The following ANKS1B variants were observed in gnomAD, a reference collection of about 807,000 sequenced individuals.
ANKS1B encodes ankyrin repeat and sterile alpha motif domain-containing protein 1B.
A neutral mutation model predicts 148.3 loss-of-function variants in ANKS1B; 36 were observed. That is an observed-to-expected ratio of 0.24 (90% CI 0.19 to 0.32). The LOEUF is 0.32. Ranked by LOEUF, ANKS1B falls within the 10% of genes least tolerant of loss-of-function variation. The pLI, the probability that ANKS1B is intolerant of heterozygous loss-of-function variation, is 1.00. For synonymous variants in ANKS1B, 542 were observed against 560.8 expected (o/e 0.97, Z 0.47); for missense variants, 1,157 against 1,542.6 (o/e 0.75, Z 4.19).
At chr12:98,878,311 T>A (rs2099696939) in intron 17 of ANKS1B, among the ~76,000 whole-genome samples, 1 of 151,190 alleles carries the variant, frequency 6.6e-6, no homozygotes, top group Non-Finnish European at 1.5e-5. Context: ...CAGGCAGAGG[T>A]TGCAATGAGC....
chr12:99,619,595 G>C (rs1375278066), intron 9 of ANKS1B, among the ~76,000 whole-genome samples: 1 of 151,466 alleles, frequency 6.6e-6, no homozygotes, highest in Non-Finnish European at 1.5e-5. Flanking sequence ...AGACATAAAG[G>C]ATACCTGCTC....
chr12:99,654,356 T>C (rs1206329106), intron 9 of ANKS1B, among the ~76,000 whole-genome samples: 1 of 152,202 alleles, frequency 6.6e-6, no homozygotes, highest in Non-Finnish European at 1.5e-5. Flanking sequence ...TCCACCCACG[T>C]TCTATGTAAT....
chr12:99,701,141 T>C (rs1318400151), intron 8 of ANKS1B, among the ~76,000 whole-genome samples: 1 of 152,176 alleles, frequency 6.6e-6, no homozygotes, highest in Non-Finnish European at 1.5e-5. Context: ...TCCTGATCCA[T>C]TTTGCCTATT....
chr12:99,729,084 T>C (rs2058889434), intron 8 of ANKS1B, among the ~76,000 whole-genome samples: 1 of 152,244 alleles, frequency 6.6e-6, no homozygotes, highest in African/African-American at 2.4e-5. Context: ...AAGATATGCC[T>C]GTGTAAAGCA....
intron 15 of ANKS1B, among the ~76,000 whole-genome samples, chr12:99,102,892 G>A (rs548156414): frequency 1.3e-5 from 2 of 152,188 alleles, no homozygotes; most frequent in East Asian, 3.9e-4. Flanking sequence ...TCACATCACT[G>A]CACCCCAACC....
chr12:99,339,909 T>C (rs2152324724), intron 12 of ANKS1B, among the ~76,000 whole-genome samples: 1 of 152,158 alleles, frequency 6.6e-6, no homozygotes, highest in South Asian at 2.1e-4. Context: ...CCTGTATACT[T>C]CTTAGGTTTC....
chr12:99,476,222 A>C (rs764627798), intron 10 of ANKS1B, among the ~76,000 whole-genome samples: 1 of 152,020 alleles, frequency 6.6e-6, no homozygotes, highest in African/African-American at 2.4e-5. Flanking sequence ...GTGAAATCCC[A>C]TCTCTACTAA....
At chr12:99,893,929 G>C (rs1167780411) in intron 1 of ANKS1B, among the ~76,000 whole-genome samples, 1 of 152,000 alleles carries the variant, frequency 6.6e-6, no homozygotes, top group East Asian at 1.9e-4. Context: ...TCGCTCCTGT[G>C]AATAGCACTA....
chr12:99,047,542 T>C (rs1265300336), intron 17 of ANKS1B, among the ~76,000 whole-genome samples: 2 of 152,112 alleles, frequency 1.3e-5, no homozygotes, highest in African/African-American at 4.8e-5. Context: ...AATAATCAAA[T>C]TGCTGTAAAC....
intron 12 of ANKS1B, among the ~76,000 whole-genome samples, chr12:99,395,032 C>T (rs1029059137): frequency 6.6e-6 from 1 of 152,128 alleles, no homozygotes; most frequent in African/African-American, 2.4e-5. Context: ...TTCTCATATA[C>T]CATGTCCACT....
chr12:99,123,066 C>A lies in ANKS1B; in HGVS notation c.2526+31223G>T, dbSNP rs577751745. 2.1e-3 allele frequency among the ~76,000 whole-genome samples: 300 copies of A among 144,348 alleles called. 8 individuals carry two copies. The South Asian group carries it at 0.048, about 23-fold the overall frequency. 94.7% of individuals were successfully genotyped at this position (144,348 alleles called of 152,430 possible). On this transcript the variant is annotated intron_variant, in intron 15 of 26. Transcript: ENST00000683438. ...CAACAACAAAAAACCAACAAAAAAACCCCAAAAAAACAAAAATAATTAAGA... is the reference window on the plus strand; with the variant it reads ...CAACAACAAAAAACCAACAAAAAAAACCCAAAAAAACAAAAATAATTAAGA...
chr12:99,241,224 C>T (rs1343688976), intron 14 of ANKS1B, among the ~76,000 whole-genome samples: 1 of 152,078 alleles, frequency 6.6e-6, no homozygotes, highest in Non-Finnish European at 1.5e-5. Flanking sequence ...ATATCACCAC[C>T]AATCCCACAG....
chr12:99,260,367 C>T (rs2075793655), intron 12 of ANKS1B, among the ~76,000 whole-genome samples: 1 of 152,124 alleles, frequency 6.6e-6, no homozygotes, highest in Non-Finnish European at 1.5e-5. Context: ...CCCAAATGTC[C>T]TCAGTAAAAG....
intron 1 of ANKS1B, among the ~76,000 whole-genome samples, chr12:99,867,782 A>G (rs1413995906): frequency 6.6e-6 from 1 of 152,144 alleles, no homozygotes; most frequent in Non-Finnish European, 1.5e-5. Context: ...AATATAAAAC[A>G]CTTCCAAATG....
At chr12:99,910,354 CAAAAAAAAAAAAAA>C (rs57222450) in intron 1 of ANKS1B, among the ~76,000 whole-genome samples, 1 of 51,092 alleles carries the variant, frequency 2.0e-5, no homozygotes, top group African/African-American at 8.1e-5. Flanking sequence ...GACTCCATCT[CAAAAAAAAAAAAAA>C]AAAAAAAAAG....
At chr12:99,122,671 G>C (rs1365602967) in intron 15 of ANKS1B, among the ~76,000 whole-genome samples, 1 of 152,124 alleles carries the variant, frequency 6.6e-6, no homozygotes, top group Non-Finnish European at 1.5e-5. Flanking sequence ...ATAAACGCTT[G>C]CTGGCAGCCA....
chr12:98,939,533 C>G (rs1334164772), intron 17 of ANKS1B, among the ~76,000 whole-genome samples: 1 of 152,164 alleles, frequency 6.6e-6, no homozygotes, highest in Non-Finnish European at 1.5e-5. Flanking sequence ...GTTGAGGCTT[C>G]TTTTTTCCTT....
intron 1 of ANKS1B, among the ~76,000 whole-genome samples, chr12:99,858,730 C>A (rs2089589446): frequency 6.6e-6 from 1 of 151,994 alleles, no homozygotes; most frequent in Non-Finnish European, 1.5e-5. Flanking sequence ...TTCACAGCAA[C>A]CTGAATGGAG....
chr12:99,834,277 G>C (rs916384571), intron 1 of ANKS1B, among the ~76,000 whole-genome samples: 5 of 152,042 alleles, frequency 3.3e-5, no homozygotes, highest in Admixed American at 1.3e-4. Flanking sequence ...TCTTGAAAAA[G>C]TATAAAATGC....
Sources: allele counts gnomAD v4.1 joint callset (sites outside exome capture counted in the v4.1 genomes callset), GRCh38; gene constraint gnomAD v4.1.1; transcripts MANE v1.5; gene names NCBI Gene and HGNC (gene_info 2026-07-23, HGNC 2026-07-21).